Variants in GIGYF2 observed in about 807,000 individuals in gnomAD.
The protein encoded by GIGYF2 is GRB10-interacting GYF protein 2.
GIGYF2 carries 25 observed loss-of-function variants against 208.1 expected under a neutral mutation model. The observed-to-expected ratio is 0.12, with a 90% CI of 0.09 to 0.17. GIGYF2 has a LOEUF of 0.17. GIGYF2 is among the 10% of genes least tolerant of loss of function. GIGYF2 has a pLI of 1.00. For synonymous variants in GIGYF2, 534 were observed against 543.8 expected (o/e 0.98, Z 0.25); for missense variants, 1,302 against 1,579.4 (o/e 0.82, Z 2.98).
At chr2:232,831,080 C>G (rs1449631882) in intron 21 of GIGYF2, among the ~76,000 whole-genome samples, 3 of 152,172 alleles carry the variant, frequency 2.0e-5, no homozygotes, top group Non-Finnish European at 4.4e-5. Context: ...TTCATCACAT[C>G]AAATCAAGGG....
At chr2:232,725,591 C>T (rs571476067) in intron 2 of GIGYF2, among the ~76,000 whole-genome samples, 131 of 152,306 alleles carry the variant, frequency 8.6e-4, no homozygotes, top group Non-Finnish European at 1.5e-3. Flanking sequence ...ACATAGTTAG[C>T]TCTCAATAAA....
chr2:232,727,963 T>C lies in GIGYF2; in HGVS notation c.-43-7192T>C, dbSNP rs537235440. Among the ~76,000 whole-genome samples the C allele has an allele frequency of 7.9e-5, 12 of 152,320 alleles. No homozygotes were observed. In the South Asian group the frequency reaches 2.5e-3, roughly 32 times the overall value. ...AGCTTTATAATACACATTTGAAAAA[T>C]ACCCGCAACATTGAGTCCTATAGAT... On this transcript the variant is annotated intron_variant, in intron 2 of 28. Coordinates refer to ENST00000373563, the MANE Select transcript of GIGYF2 (RefSeq NM_001103146.3).
chr2:232,836,279 T>C (rs1343032286), intron 22 of GIGYF2, among the ~76,000 whole-genome samples: 1 of 6,248 alleles, frequency 1.6e-4, no homozygotes, highest in African/African-American at 8.2e-4. Context: ...TATATATATA[T>C]ATATATATAT....
intron 8 of GIGYF2, chr2:232,767,771 G>A (rs1699035764): frequency 4.5e-6 from 1 of 223,110 alleles, no homozygotes; most frequent in Non-Finnish European, 9.0e-6. Context: ...GTATAGTGAA[G>A]TCGTCATTCC....
chr2:232,838,415 G>T (rs1701717922), intron 22 of GIGYF2, among the ~76,000 whole-genome samples: 1 of 152,164 alleles, frequency 6.6e-6, no homozygotes, highest in South Asian at 2.1e-4. Flanking sequence ...GTGCCCGTGA[G>T]GATAGATGGC....
intron 1 of GIGYF2, among the ~76,000 whole-genome samples, chr2:232,697,864 C>G (rs1319964604): frequency 6.6e-6 from 1 of 152,234 alleles, no homozygotes; most frequent in Non-Finnish European, 1.5e-5. Flanking sequence ...TGCCGGCTCT[C>G]CTGTCCACAC....
intron 3 of GIGYF2, among the ~76,000 whole-genome samples, chr2:232,744,545 T>C (rs771617775): frequency 6.6e-6 from 1 of 151,900 alleles, no homozygotes; most frequent in Admixed American, 6.6e-5. Flanking sequence ...TTTCTTTCTT[T>C]CTTTTTTTTT....
intron 7 of GIGYF2, 79 bp downstream of exon 7, chr2:232,760,670 T>C: frequency 1.2e-6 from 1 of 850,088 alleles, no homozygotes; most frequent in East Asian, 2.6e-5. Context: ...GGGAGAAATG[T>C]TTTTGTACAG....
At chr2:232,713,618 A>G (rs1386967985) in intron 2 of GIGYF2, among the ~76,000 whole-genome samples, 4 of 152,314 alleles carry the variant, frequency 2.6e-5, no homozygotes, top group South Asian at 2.1e-4. Flanking sequence ...AATTCCATCC[A>G]GGATACCATG....
intron 20 of GIGYF2, among the ~76,000 whole-genome samples, chr2:232,819,538 C>G (rs1701014502): frequency 6.6e-6 from 1 of 152,130 alleles, no homozygotes; most frequent in South Asian, 2.1e-4. Flanking sequence ...GTAGCTCTTT[C>G]TACGGTTAAT....
intron 23 of GIGYF2, 41 bp downstream of exon 23, chr2:232,840,012 C>A: frequency 6.3e-7 from 1 of 1,596,010 alleles, no homozygotes; most frequent in East Asian, 2.2e-5. Context: ...AAGCGATGTT[C>A]CAGAATATCT....
chr2:232,804,856 A>C (rs998333320), intron 14 of GIGYF2, among the ~76,000 whole-genome samples: 4 of 150,574 alleles, frequency 2.7e-5, no homozygotes, highest in Non-Finnish European at 3.0e-5. Context: ...TCTTTTACCC[A>C]TGGATTATTT....
At chr2:232,782,941 A>G (rs1020364678) in intron 8 of GIGYF2, among the ~76,000 whole-genome samples, 1 of 152,198 alleles carries the variant, frequency 6.6e-6, no homozygotes, top group African/African-American at 2.4e-5. Flanking sequence ...TAGTTAAATT[A>G]TATGTATTTG....
At chr2:232,788,809 A>C (rs151241279) in intron 9 of GIGYF2, among the ~76,000 whole-genome samples, 2 of 152,080 alleles carry the variant, frequency 1.3e-5, no homozygotes. Flanking sequence ...TTTAATCCAT[A>C]TACATATATA....
chr2:232,750,044 G>T (rs1024105938), intron 5 of GIGYF2, among the ~76,000 whole-genome samples: 1 of 152,060 alleles, frequency 6.6e-6, no homozygotes, highest in Admixed American at 6.6e-5. Flanking sequence ...AATTAGCCGA[G>T]CATGGTGACA....
rs1003378717 is a variant in GIGYF2 at position 232,818,872 on chromosome 2, C to T, written c.2371-955C>T. 4.1e-4 allele frequency among the ~76,000 whole-genome samples: 63 copies of T among 152,188 alleles called. 1 individual carries two copies. Among genetic ancestry groups the T allele is most frequent in the East Asian group, 1.9e-4 (1 of 5,178 alleles). On this transcript the variant is annotated intron_variant, in intron 20 of 28. Coordinates refer to ENST00000373563, the MANE Select transcript of GIGYF2 (RefSeq NM_001103146.3). ...TTGGACATGAGGGTTGTTTCCAGTT[C>T]TTCATTGTTAGATAAGTGTTCGAAT...
intron 8 of GIGYF2, chr2:232,764,322 A>C (rs1277052193): frequency 1.3e-5 from 2 of 152,246 alleles, no homozygotes; most frequent in Admixed American, 1.3e-4. Context: ...CCTCTCAGCC[A>C]TGGGCAGTAT....
At chr2:232,714,542 A>G (rs1015159611) in intron 2 of GIGYF2, among the ~76,000 whole-genome samples, 25 of 152,174 alleles carry the variant, frequency 1.6e-4, no homozygotes, top group African/African-American at 4.6e-4. Flanking sequence ...TTTACATACA[A>G]TAAAATACCT....
At chr2:232,746,698 T>A (rs7601946) in intron 3 of GIGYF2, among the ~76,000 whole-genome samples, 2 of 152,196 alleles carry the variant, frequency 1.3e-5, no homozygotes, top group Non-Finnish European at 2.9e-5. Context: ...TTTATTTGTC[T>A]TCTTAGCAGT....
Sources: allele counts gnomAD v4.1 joint callset (sites outside exome capture counted in the v4.1 genomes callset), GRCh38; gene constraint gnomAD v4.1.1; transcripts MANE v1.5; gene names NCBI Gene and HGNC (gene_info 2026-07-23, HGNC 2026-07-21).